The following TRPV1 variants were observed in gnomAD, a reference collection of about 807,000 sequenced individuals.
TRPV1 encodes the protein OTRPC1.
Under a neutral mutation model 82.3 loss-of-function variants are expected in TRPV1, and 82 were observed. That is an observed-to-expected ratio of 1.00 (90% CI 0.83 to 1.20). TRPV1 has a LOEUF of 1.20. Ranked by LOEUF, TRPV1 falls within the 50% of genes most tolerant of loss-of-function variation. The pLI is 0.00. For missense variants in TRPV1, 1,067 were observed against 1,096.8 expected, an observed-to-expected ratio of 0.97 and a Z score of 0.38; for synonymous variants, 515 against 467.7, an observed-to-expected ratio of 1.10 and a Z score of -1.30.
chr17:3,571,637 A>T lies in TRPV1; in HGVS notation c.2234T>A (p.Val745Glu), dbSNP rs990744360. 5.0e-6 allele frequency: 8 copies of T among 1,606,450 alleles called. No individual in the cohort carries two copies. Among genetic ancestry groups the T allele is most frequent in the African/African-American group, 1.3e-5 (1 of 74,690 alleles). The change falls in exon 16 of 17, where the codon GTG (valine) becomes GAG (glutamate). Residue 745 changes from valine to glutamate, a missense_variant and splice_region_variant. Coordinates refer to ENST00000572705, the MANE Select transcript of TRPV1 (RefSeq NM_080704.4). ...CCAGGTGGTCCAGTTCACCTCGTCC[A>T]CCCTGCAGGGTAAGGGGTCGGGAGA... ...GKDDYRWCFR[V>E]DEVNWTTWNT... is the part of the protein sequence containing the mutation.
In TRPV1 at chr17:3,593,112, G is replaced by A. The variant is rs866316043; in HGVS notation, c.-33-729C>T. ...TGTGTGTGTGTGTGTGTGTGTGTGT[G>A]TGTGTGTGTGTGTGTGTGTGTGTGT... On this transcript the variant is annotated intron_variant, in intron 2 of 16. Coordinates refer to ENST00000572705, the MANE Select transcript of TRPV1 (RefSeq NM_080704.4). 4.5e-4 allele frequency among the ~76,000 whole-genome samples: 40 copies of A among 88,452 alleles called. 1 individual carries two copies. Among genetic ancestry groups the A allele is most frequent in the African/African-American group, 9.5e-4 (7 of 7,384 alleles). 58.0% of individuals were successfully genotyped at this position (88,452 alleles called of 152,430 possible).
intron 2 of TRPV1, among the ~76,000 whole-genome samples, chr17:3,604,215 T>C (rs1205796183): frequency 1.3e-5 from 2 of 152,204 alleles, no homozygotes; most frequent in Non-Finnish European, 2.9e-5. Flanking sequence ...ATTCCAAACA[T>C]GGGCCTTGGC....
chr17:3,604,435 T>C (rs1206978501), intron 2 of TRPV1, among the ~76,000 whole-genome samples: 1 of 151,566 alleles, frequency 6.6e-6, no homozygotes, highest in Admixed American at 6.6e-5. Context: ...CCGTCTCTAT[T>C]AAAAATACAA....
Position 3,566,796 on chromosome 17 carries a change from T to G in TRPV1, c.*19A>C. On this transcript the variant is annotated 3_prime_UTR_variant, in exon 17 of 17. Transcript: ENST00000572705. ...GTCTCCTAAGGCCCAGTGTTGACAG[T>G]GCTGTCTGCGTGACGTCCTCACTTC... 6.2e-7 allele frequency: 1 copy of G among 1,611,888 alleles called. No individual in the cohort carries two copies. The highest frequency in any genetic ancestry group is 1.1e-5 in the South Asian group (1 of 90,862).
chr17:3,587,986 T>A (rs1210012342), intron 8 of TRPV1, among the ~76,000 whole-genome samples: 10 of 152,210 alleles, frequency 6.6e-5, no homozygotes, highest in Non-Finnish European at 1.5e-4. Flanking sequence ...TTTCTGTTTT[T>A]ATGGGATGAT....
At chr17:3,584,661 T>C (rs2075062504) in intron 9 of TRPV1, among the ~76,000 whole-genome samples, 3 of 151,898 alleles carry the variant, frequency 2.0e-5, no homozygotes, top group East Asian at 3.9e-4. Flanking sequence ...CTTGGCATGT[T>C]GGTGGGTGCC....
chr17:3,593,768 A>C (rs1288785472), intron 2 of TRPV1, among the ~76,000 whole-genome samples: 2 of 152,056 alleles, frequency 1.3e-5, no homozygotes, highest in African/African-American at 2.4e-5. Context: ...TCACTGATTT[A>C]TCTCTCCCGC....
chr17:3,604,631 A>G (rs1056365667), intron 2 of TRPV1, among the ~76,000 whole-genome samples: 2 of 152,042 alleles, frequency 1.3e-5, no homozygotes, highest in African/African-American at 4.8e-5. Context: ...AAGAAAAAGA[A>G]AAAAAGAAGA....
At chr17:3,584,402 C>CAAAAAAAAAAAAAAAAAAAAAAAAAAAA (rs1447579699) in intron 9 of TRPV1, among the ~76,000 whole-genome samples, 1 of 16,746 alleles carries the variant, frequency 6.0e-5, no homozygotes, top group African/African-American at 2.3e-4. Context: ...GACTCTGTCT[C>CAAAAAAAAAAAAAAAAAAAAAAAAAAAA]AAAAAAAAAA....
At chr17:3,585,738 C>A (rs200748091) in intron 9 of TRPV1, 30 bp downstream of exon 9, 1 of 1,602,560 alleles carries the variant, frequency 6.2e-7, no homozygotes. Context: ...CCCACACCCT[C>A]GCCCACGAGG....
At chr17:3,600,523 A>C (rs2075252921) in intron 2 of TRPV1, among the ~76,000 whole-genome samples, 1 of 152,110 alleles carries the variant, frequency 6.6e-6, no homozygotes, top group African/African-American at 2.4e-5. Flanking sequence ...TGGGAGGCAG[A>C]GGTTGCAGTG....
rs2074755790 is a variant in TRPV1, at chr17:3,565,974, C to T, written c.*841G>A. On this transcript the variant is annotated 3_prime_UTR_variant, in exon 17 of 17. Transcript: ENST00000572705. The stretch of plus-strand genomic sequence containing the variant: ...ATCACCTGAGGTCAAGAGTTCGAGA[C>T]CAGCCTGGCCAACATGGTGAAACCC... The T allele has an allele frequency of 1.3e-5, 2 of 151,684 alleles. No homozygotes were observed. The highest frequency in any genetic ancestry group is 2.9e-5 in the Non-Finnish European group (2 of 67,988). The allele number at this position is 151,684 out of a possible 1,614,324, so 9.4% of individuals were successfully genotyped here. A position where few individuals can be genotyped will look rare whatever the true frequency, so the allele number is the denominator to read the frequency against.
chr17:3,576,688 T>TATGC (rs2074936463), intron 13 of TRPV1, among the ~76,000 whole-genome samples: 3 of 99,302 alleles, frequency 3.0e-5, no homozygotes, highest in African/African-American at 6.9e-5. Flanking sequence ...TATATATATA[T>TATGC]ATGCATAAAA....
chr17:3,584,251 G>A (rs1236628357), intron 9 of TRPV1, among the ~76,000 whole-genome samples: 4 of 151,492 alleles, frequency 2.6e-5, no homozygotes, highest in Admixed American at 6.6e-5. Flanking sequence ...GCAACAGAGC[G>A]AGACTCTGTC....
intron 8 of TRPV1, among the ~76,000 whole-genome samples, chr17:3,586,192 C>T (rs2150843040): frequency 6.6e-6 from 1 of 152,232 alleles, no homozygotes; most frequent in East Asian, 1.9e-4. Flanking sequence ...CTCTTAAGTG[C>T]TCACTTAATG....
intron 2 of TRPV1, among the ~76,000 whole-genome samples, chr17:3,607,961 T>A (rs2075308660): frequency 6.6e-6 from 1 of 152,070 alleles, no homozygotes; most frequent in South Asian, 2.1e-4. Context: ...CCGCCTGCAA[T>A]CCTAGTACTT....
intron 13 of TRPV1, among the ~76,000 whole-genome samples, chr17:3,575,447 C>T (rs897475257): frequency 6.6e-6 from 1 of 151,298 alleles, no homozygotes; most frequent in Non-Finnish European, 1.5e-5. Context: ...GGCACCACTG[C>T]ATGCCAGCCT....
intron 14 of TRPV1, 70 bp downstream of exon 14, chr17:3,573,563 G>T: frequency 1.8e-5 from 3 of 165,094 alleles, no homozygotes; most frequent in Non-Finnish European, 3.0e-5. Flanking sequence ...GCAGCCAGCT[G>T]TGTAAGACAG....
At chr17:3,585,960 T>C (rs1350008976) in intron 8 of TRPV1, 34 bp from the exon 9 acceptor site, 1 of 1,612,008 alleles carries the variant, frequency 6.2e-7, no homozygotes, top group East Asian at 2.2e-5. Context: ...GGTTCCCTCC[T>C]GCAGCAGGAA....
Sources: gnomAD v4.1 joint callset for allele counts (sites outside exome capture counted in the v4.1 genomes callset) on GRCh38, gnomAD v4.1.1 for gene constraint, MANE v1.5 for transcripts, NCBI Gene and HGNC (gene_info 2026-07-23, HGNC 2026-07-21) for gene names.